IRAK3: variants seen among roughly 807,000 people sequenced by gnomAD.
IRAK3 encodes the protein interleukin-1 receptor-associated kinase 3.
A neutral mutation model predicts 56.6 loss-of-function variants in IRAK3; 57 were observed. The ratio of observed to expected loss-of-function variants is 1.01; its 90% confidence interval spans 0.81 to 1.26. The LOEUF is 1.26. IRAK3 is among the 50% of genes most tolerant of loss of function. IRAK3 has a pLI of 0.00. For synonymous variants in IRAK3, 258 were observed against 255.7 expected (o/e 1.01, Z -0.09); for missense variants, 703 against 719.0 (o/e 0.98, Z 0.25).
chr12:66,236,481 T>C (rs1181330799), intron 8 of IRAK3, among the ~76,000 whole-genome samples: 3 of 150,130 alleles, frequency 2.0e-5, no homozygotes, highest in South Asian at 2.1e-4. Flanking sequence ...GGCAGGAAAA[T>C]TGCTTGAACC....
At chr12:66,189,543 G>C (rs1047049078) in intron 1 of IRAK3, 111 bp downstream of exon 1, 23 of 754,172 alleles carry the variant, frequency 3.0e-5, no homozygotes, top group Non-Finnish European at 3.8e-5. Context: ...CGCGGCCTCC[G>C]GGAAGTTCCC....
chr12:66,199,326 G>C (rs906460931), intron 1 of IRAK3, among the ~76,000 whole-genome samples: 2 of 152,204 alleles, frequency 1.3e-5, no homozygotes, highest in African/African-American at 4.8e-5. Flanking sequence ...GTCGATGGCA[G>C]TGCCACCACT....
In IRAK3 at chr12:66,253,465, C is replaced by T. The variant is rs917630573; in HGVS notation, c.*5294C>T. 2.0e-5 allele frequency: 3 copies of T among 152,094 alleles called. No homozygotes were observed. Among genetic ancestry groups the T allele is most frequent in the African/African-American group, 7.2e-5 (3 of 41,428 alleles). 9.4% of individuals were successfully genotyped at this position (152,094 alleles called of 1,614,324 possible). A position where few individuals can be genotyped will look rare whatever the true frequency, so the allele number is the denominator to read the frequency against. On this transcript the variant is annotated 3_prime_UTR_variant, in exon 12 of 12. Coordinates refer to ENST00000261233, the MANE Select transcript of IRAK3 (RefSeq NM_007199.3). The stretch of plus-strand genomic sequence containing the variant: ...AAATCATTTATATATACTTGATGGT[C>T]TGTGGGCTTGACTTGCAAGTATTTT...
intron 1 of IRAK3, among the ~76,000 whole-genome samples, chr12:66,189,955 T>G (rs11465939): frequency 0.058 from 8,788 of 152,266 alleles, 668 homozygotes; most frequent in African/African-American, 0.18. Flanking sequence ...TTTACCCAAT[T>G]TCGTTGAATG....
chr12:66,189,616 C>A lies in IRAK3; in HGVS notation c.133+184C>A, dbSNP rs191409816. 2.5e-3 allele frequency among the ~76,000 whole-genome samples: 374 copies of A among 152,276 alleles called. 2 individuals are homozygous for A. Among genetic ancestry groups the A allele is most frequent in the African/African-American group, 8.9e-3 (369 of 41,576 alleles). On this transcript the variant is annotated intron_variant, in intron 1 of 11. Transcript: ENST00000261233. The stretch of plus-strand genomic sequence containing the variant: ...CAGAGACTCCCTGGGACCCAGATGC[C>A]TTCCCTCCCTTCTCTTTCAAAGAAT...
At chr12:66,240,536 G>A (rs1247481374) in intron 8 of IRAK3, among the ~76,000 whole-genome samples, 1 of 152,144 alleles carries the variant, frequency 6.6e-6, no homozygotes, top group Admixed American at 6.5e-5. Flanking sequence ...TAGCCTGCAG[G>A]TTCTAGGAGA....
rs898441561 is a variant in IRAK3 at position 66,252,061 on chromosome 12, T to C, written c.*3890T>C. 6.6e-6 allele frequency: 1 copy of C among 152,200 alleles called. No individual in the cohort carries two copies. Among genetic ancestry groups the C allele is most frequent in the Non-Finnish European group, 1.5e-5 (1 of 68,034 alleles). The allele number at this position is 152,200 out of a possible 1,614,324, so 9.4% of individuals were successfully genotyped here. On this transcript the variant is annotated 3_prime_UTR_variant, in exon 12 of 12. Transcript: ENST00000261233. ...GCACTCAGGATGGCTATTCAAGGAA[T>C]TGGGGATCCACAGCAGCTGTGCACA...
intron 8 of IRAK3, 102 bp downstream of exon 8, chr12:66,228,472 A>ATG: frequency 1.2e-6 from 1 of 828,062 alleles, no homozygotes; most frequent in Non-Finnish European, 2.1e-6. Flanking sequence ...CCTGGTATGT[A>ATG]TGTGTGTGTG....
At position 66,250,072 on chromosome 12, in the gene IRAK3, C is replaced by T. The variant is rs1316158391; in HGVS notation, c.*1901C>T. ...TATAAATTAAGTTGAATTAAATTAC[C>T]CCTATGAAGCCACATAATCAATAAT... On this transcript the variant is annotated 3_prime_UTR_variant, in exon 12 of 12. Transcript: ENST00000261233. 2.6e-5 allele frequency: 4 copies of T among 152,088 alleles called. No individual in the cohort carries two copies. In the East Asian group the frequency reaches 5.8e-4, roughly 22 times the overall value. The allele number at this position is 152,088 out of a possible 1,614,324, so 9.4% of individuals were successfully genotyped here. A position where few individuals can be genotyped will look rare whatever the true frequency, so the allele number is the denominator to read the frequency against.
At position 66,247,865 on chromosome 12, in the gene IRAK3, C is replaced by T. The variant is rs1344578417; in HGVS notation, c.1485C>T (p.Gly495=). The T allele has an allele frequency of 1.9e-6, 3 of 1,614,034 alleles. No homozygotes were observed. The highest frequency in any genetic ancestry group is 2.5e-6 in the Non-Finnish European group (3 of 1,180,032). ...ACAATTTACTACCTTCTGATGAAGG[C>T]CTGAGGATAGACAGAATGACTCAGA... is the stretch of plus-strand genomic sequence containing the variant. The part of the protein sequence containing the change: ...QNNNLLPSDE[G]LRIDRMTQKT... The change falls in exon 12 of 12, where the codon GGC becomes GGT. Residue 495 remains glycine (G), a synonymous_variant. Coordinates refer to ENST00000261233, the MANE Select transcript of IRAK3 (RefSeq NM_007199.3).
At chr12:66,193,150 G>T (rs1000922875) in intron 1 of IRAK3, among the ~76,000 whole-genome samples, 10 of 151,956 alleles carry the variant, frequency 6.6e-5, no homozygotes, top group African/African-American at 1.9e-4. Flanking sequence ...TGGGATTACA[G>T]GCATGCACCA....
At position 66,219,044 on chromosome 12, in the gene IRAK3, G is replaced by GTA. The variant is rs1156739716; in HGVS notation, c.653+1810_653+1811insAT. On this transcript the variant is annotated intron_variant, in intron 6 of 11. Coordinates refer to ENST00000261233, the MANE Select transcript of IRAK3 (RefSeq NM_007199.3). Reference sequence around the variant, plus strand: ...GAATAATATTCCATCGTGTGTGTGTGTGTGTATGTGTGTGTGTGTGTGTGT... The same window carrying GTA: ...GAATAATATTCCATCGTGTGTGTGTGTATGTGTATGTGTGTGTGTGTGTGTGT... Among the ~76,000 whole-genome samples the GTA allele has an allele frequency of 1.8e-3, 265 of 147,620 alleles. 3 individuals carry two copies. The highest frequency in any genetic ancestry group is 1.1e-3 in the African/African-American group (44 of 38,314).
rs1364741595 is a variant in IRAK3 at position 66,250,195 on chromosome 12, A to T, written c.*2024A>T. The stretch of plus-strand genomic sequence containing the variant: ...CACTGAAGAAAACCATTTTCAGAGG[A>T]TTTACTGAATTTTCCTCTCCAAGGA... On this transcript the variant is annotated 3_prime_UTR_variant, in exon 12 of 12. Coordinates refer to ENST00000261233, the MANE Select transcript of IRAK3 (RefSeq NM_007199.3). 6.6e-6 allele frequency: 1 copy of T among 152,214 alleles called. No homozygotes were observed. The highest frequency in any genetic ancestry group is 2.4e-5 in the African/African-American group (1 of 41,464). The allele number at this position is 152,214 out of a possible 1,614,324, so 9.4% of individuals were successfully genotyped here.
intron 8 of IRAK3, chr12:66,234,595 G>C (rs2052882478): frequency 1.9e-6 from 3 of 1,611,648 alleles, no homozygotes; most frequent in Non-Finnish European, 2.5e-6. Context: ...ATTTGTTTGG[G>C]TTCTGTCTCT....
intron 11 of IRAK3, 33 bp downstream of exon 11, chr12:66,245,295 G>T (rs547783631): frequency 3.1e-6 from 5 of 1,608,410 alleles, no homozygotes; most frequent in Non-Finnish European, 4.3e-6. Context: ...TCAAAACTGA[G>T]CCCACAGAAC....
chr12:66,208,818 C>T (rs986188920), intron 2 of IRAK3, among the ~76,000 whole-genome samples: 2 of 151,698 alleles, frequency 1.3e-5, no homozygotes, highest in African/African-American at 4.8e-5. Context: ...AATCCCAGCA[C>T]TTTGGGAGGC....
Position 66,189,387 on chromosome 12 carries a change from GCTGTT to G in IRAK3, c.92_96del (p.Val31GlyfsTer27), listed in dbSNP as rs1288420868. On this transcript the variant is annotated frameshift_variant, in exon 1 of 12. Coordinates refer to ENST00000261233, the MANE Select transcript of IRAK3 (RefSeq NM_007199.3). LOFTEE classifies it high-confidence loss of function. ...GCCCGCGCTGCTCGGAGAGCTCTGC[GCTGTT>G]CTGGACAGCTGCGACGGCGCGCTGG... 14 of 1,527,564 alleles carry G rather than the reference GCTGTT, an allele frequency of 9.2e-6. No individual in the cohort carries two copies. The Middle Eastern group carries it at 1.1e-3, about 124-fold the overall frequency. The allele number at this position is 1,527,564 out of a possible 1,614,324, so 94.6% of individuals were successfully genotyped here. A position where few individuals can be genotyped will look rare whatever the true frequency, so the allele number is the denominator to read the frequency against.
At chr12:66,234,002 C>A in intron 8 of IRAK3, 4 of 1,531,820 alleles carry the variant, frequency 2.6e-6, no homozygotes, top group Non-Finnish European at 3.6e-6. Flanking sequence ...CACAATTGAT[C>A]AGAAAAATCC....
chr12:66,189,394 T>C lies in IRAK3; in HGVS notation c.95T>C (p.Leu32Pro). The C allele has an allele frequency of 6.8e-6, 10 of 1,471,304 alleles. No individual in the cohort carries two copies. The highest frequency in any genetic ancestry group is 8.1e-6 in the Non-Finnish European group (9 of 1,112,094). 91.1% of individuals were successfully genotyped at this position (1,471,304 alleles called of 1,614,324 possible). ...CTGCTCGGAGAGCTCTGCGCTGTTC[T>C]GGACAGCTGCGACGGCGCGCTGGGC... ...PALLGELCAV[L>P]DSCDGALGWR... Residue 32 changes from leucine (L) to proline (P), a missense_variant, in exon 1 of 12, where the codon CTG becomes CCG. Leu to Pro is a moderately conservative substitution (Grantham distance 98). Transcript: ENST00000261233.
Sources: allele counts gnomAD v4.1 joint callset (sites outside exome capture counted in the v4.1 genomes callset), GRCh38; gene constraint gnomAD v4.1.1; transcripts MANE v1.5; gene names NCBI Gene and HGNC (gene_info 2026-07-23, HGNC 2026-07-21).